GPR137C: variants seen among roughly 807,000 people sequenced by gnomAD.
The protein encoded by GPR137C is integral membrane protein GPR137C.
A neutral mutation model predicts 43.4 loss-of-function variants in GPR137C; 27 were observed. The ratio of observed to expected loss-of-function variants is 0.62; its 90% confidence interval spans 0.46 to 0.86. The LOEUF is 0.86. GPR137C is among the 40% of genes least tolerant of loss of function. GPR137C has a pLI of 0.00. For missense variants in GPR137C, 522 were observed against 534.6 expected (o/e 0.98, Z 0.23); for synonymous variants, 285 against 226.9 (o/e 1.26, Z -2.30).
intron 1 of GPR137C, among the ~76,000 whole-genome samples, chr14:52,559,514 T>A (rs898744288): frequency 2.6e-5 from 4 of 152,068 alleles, no homozygotes; most frequent in African/African-American, 9.6e-5. Context: ...GATGATTTTT[T>A]AAAATTAACT....
chr14:52,584,868 TG>T (rs1174288221), intron 1 of GPR137C, among the ~76,000 whole-genome samples: 1 of 152,176 alleles, frequency 6.6e-6, no homozygotes, highest in Non-Finnish European at 1.5e-5. Flanking sequence ...CCCAAAGTGC[TG>T]GGATTTCAGG....
At chr14:52,584,596 T>C (rs2139491798) in intron 1 of GPR137C, among the ~76,000 whole-genome samples, 1 of 152,296 alleles carries the variant, frequency 6.6e-6, no homozygotes, top group South Asian at 2.1e-4. Flanking sequence ...TGTTAAGATT[T>C]GGCATAAGTG....
At chr14:52,562,336 A>G (rs1298098252) in intron 1 of GPR137C, among the ~76,000 whole-genome samples, 1 of 152,216 alleles carries the variant, frequency 6.6e-6, no homozygotes, top group Non-Finnish European at 1.5e-5. Context: ...TGAAAATTAT[A>G]TACTTCATAT....
At chr14:52,564,672 T>G (rs986073475) in intron 1 of GPR137C, among the ~76,000 whole-genome samples, 3 of 152,152 alleles carry the variant, frequency 2.0e-5, no homozygotes, top group African/African-American at 4.8e-5. Flanking sequence ...AATTTTATAT[T>G]TGTGTGACTT....
chr14:52,568,457 G>A (rs552757066), intron 1 of GPR137C, among the ~76,000 whole-genome samples: 4 of 152,104 alleles, frequency 2.6e-5, no homozygotes, highest in Middle Eastern at 3.4e-3. Flanking sequence ...CGAAACAACC[G>A]TTCACTCCCC....
In GPR137C at chr14:52,632,140, A is replaced by T. The variant is rs576755325; in HGVS notation, c.718-20A>T. On this transcript the variant is annotated intron_variant, in intron 3 of 6. Coordinates refer to ENST00000321662, the MANE Select transcript of GPR137C (RefSeq NM_001099652.2). ...ACAAATGTGTAGAATACTAAAGATG[A>T]TGATTTTTATTTGTTTTAGGGTATG... is the stretch of plus-strand genomic sequence containing the variant. 1 of 1,576,608 alleles carries T rather than the reference A, an allele frequency of 6.3e-7. No individual in the cohort carries two copies. Among genetic ancestry groups the T allele is most frequent in the African/African-American group, 1.3e-5 (1 of 74,172 alleles).
rs888882671 is a variant in GPR137C at position 52,582,935 on chromosome 14, A to G, written c.445-15337A>G. On this transcript the variant is annotated intron_variant, in intron 1 of 6. Transcript: ENST00000321662. ...TCTTCAATAATTCAAATATCCTAAA[A>G]TAATATTTTCTAAATAAGGATCTGC... Among the ~76,000 whole-genome samples, 14 of 152,348 alleles carry G rather than the reference A, an allele frequency of 9.2e-5. No individual in the cohort carries two copies. The East Asian group carries it at 2.7e-3, about 29-fold the overall frequency.
intron 1 of GPR137C, among the ~76,000 whole-genome samples, chr14:52,567,647 T>C (rs1014836559): frequency 1.4e-5 from 2 of 141,872 alleles, no homozygotes; most frequent in African/African-American, 5.5e-5. Flanking sequence ...ATTCAGATTG[T>C]TCTTTTTTTT....
intron 1 of GPR137C, among the ~76,000 whole-genome samples, chr14:52,569,362 C>CA (rs199983262): frequency 0.065 from 9,200 of 141,756 alleles, 363 homozygotes; most frequent in African/African-American, 0.12. Flanking sequence ...CTGAAAATTC[C>CA]AAAAAAAAAA....
chr14:52,618,291 G>T (rs191596892), intron 3 of GPR137C, among the ~76,000 whole-genome samples: 4 of 152,044 alleles, frequency 2.6e-5, no homozygotes, highest in Non-Finnish European at 4.4e-5. Flanking sequence ...CTTTTTGATG[G>T]GCATTTTTGT....
intron 1 of GPR137C, among the ~76,000 whole-genome samples, chr14:52,587,953 CATA>C (rs1040486950): frequency 6.6e-6 from 1 of 152,090 alleles, no homozygotes; most frequent in Non-Finnish European, 1.5e-5. Flanking sequence ...GTTCCTCCAT[CATA>C]ATAATTTATT....
In GPR137C at chr14:52,576,384, T is replaced by A. The variant is rs894573978; in HGVS notation, c.445-21888T>A. ...AATCATCCATTGATAGACACTTAGG[T>A]TGATTCTGTATCTTTGCTATTATGA... On this transcript the variant is annotated intron_variant, in intron 1 of 6. Transcript: ENST00000321662. Among the ~76,000 whole-genome samples, 5 of 152,228 alleles carry A rather than the reference T, an allele frequency of 3.3e-5. No individual in the cohort carries two copies. In the East Asian group the frequency reaches 9.6e-4, roughly 29 times the overall value.
At chr14:52,625,384 A>T (rs1300795255) in intron 3 of GPR137C, among the ~76,000 whole-genome samples, 1 of 149,424 alleles carries the variant, frequency 6.7e-6, no homozygotes, top group South Asian at 2.2e-4. Flanking sequence ...CGGGAGACTG[A>T]GGCAGGAGAA....
intron 2 of GPR137C, 140 bp downstream of exon 2, chr14:52,598,455 C>G (rs2038883844): frequency 2.3e-6 from 1 of 427,078 alleles, no homozygotes; most frequent in Non-Finnish European, 4.3e-6. Context: ...GTTGAGGGCA[C>G]CTTCACAGTT....
chr14:52,601,546 TCA>T (rs2038925998), intron 3 of GPR137C, among the ~76,000 whole-genome samples: 2 of 151,042 alleles, frequency 1.3e-5, no homozygotes, highest in African/African-American at 4.9e-5. Context: ...ACAAAGAAAA[TCA>T]GACTTTCAAA....
At chr14:52,606,765 G>A (rs1021295630) in intron 3 of GPR137C, among the ~76,000 whole-genome samples, 1 of 151,568 alleles carries the variant, frequency 6.6e-6, no homozygotes, top group African/African-American at 2.4e-5. Flanking sequence ...TTCCTCTTTT[G>A]TATTTTTTTA....
intron 1 of GPR137C, among the ~76,000 whole-genome samples, chr14:52,590,065 G>A (rs923664774): frequency 3.3e-5 from 5 of 152,120 alleles, no homozygotes; most frequent in Admixed American, 1.3e-4. Context: ...GTTATCATAG[G>A]AGATGACAGC....
intron 1 of GPR137C, among the ~76,000 whole-genome samples, chr14:52,576,760 A>G (rs759261944): frequency 3.3e-5 from 5 of 152,228 alleles, no homozygotes; most frequent in Non-Finnish European, 7.3e-5. Context: ...TGCACATGGA[A>G]CATTCTCAAA....
chr14:52,611,857 T>C (rs2039042493), intron 3 of GPR137C: 24 of 756,012 alleles, frequency 3.2e-5, no homozygotes, highest in Non-Finnish European at 3.7e-5. Flanking sequence ...AATAATAATG[T>C]ATGGAAAGTC....
Sources: allele counts gnomAD v4.1 joint callset (sites outside exome capture counted in the v4.1 genomes callset), GRCh38; gene constraint gnomAD v4.1.1; transcripts MANE v1.5; gene names NCBI Gene and HGNC (gene_info 2026-07-23, HGNC 2026-07-21).